The following PCMT1 variants were observed in gnomAD, a reference collection of about 807,000 sequenced individuals.
PCMT1 encodes the protein protein-L-isoaspartate (D-aspartate) O-methyltransferase.
Under a neutral mutation model 29.2 loss-of-function variants are expected in PCMT1, and 9 were observed. The observed-to-expected ratio is 0.31, with a 90% CI of 0.19 to 0.54. PCMT1 has a LOEUF of 0.54. Ranked by LOEUF, PCMT1 falls within the 20% of genes least tolerant of loss-of-function variation. PCMT1 has a pLI of 0.95. For missense variants in PCMT1, 184 were observed against 282.2 expected (o/e 0.65, Z 2.49); for synonymous variants, 98 against 97.5 (o/e 1.00, Z -0.03).
intron 3 of PCMT1, among the ~76,000 whole-genome samples, chr6:149,774,928 C>T (rs11968366): frequency 0.053 from 8,075 of 151,302 alleles, 580 homozygotes; most frequent in African/African-American, 0.16. Flanking sequence ...AGGATGGTCT[C>T]GATCTCGTGA....
chr6:149,800,961 G>C (rs1289812789), intron 6 of PCMT1, among the ~76,000 whole-genome samples: 2 of 152,148 alleles, frequency 1.3e-5, no homozygotes, highest in South Asian at 2.1e-4. Flanking sequence ...GTTGTACCAG[G>C]TACTGTGTTA....
rs7818 is a variant in PCMT1 at position 149,810,956 on chromosome 6, A to G, written c.*378A>G. The G allele has an allele frequency of 0.5, 118,575 of 239,334 alleles. 33,770 individuals carry two copies. Among genetic ancestry groups the G allele is most frequent in the African/African-American group, 0.81 (35,601 of 44,192 alleles). 14.8% of individuals were successfully genotyped at this position (239,334 alleles called of 1,614,324 possible). A position where few individuals can be genotyped will look rare whatever the true frequency, so the allele number is the denominator to read the frequency against. ...AGGAGTGGTTTTTCTTTTCTTGGAC[A>G]CTTAATTCTGTTCTGATATTAATTT... On this transcript the variant is annotated 3_prime_UTR_variant, in exon 8 of 8. Transcript: ENST00000464889.
chr6:149,793,627 G>A lies in PCMT1; in HGVS notation c.376G>A (p.Asp126Asn), dbSNP rs1788475203. The change falls in exon 5 of 8, where the codon GAC becomes AAC. Residue 126 changes from aspartate to asparagine, a missense_variant. Coordinates refer to ENST00000464889, the MANE Select transcript of PCMT1 (RefSeq NM_001360452.2). ...TGACTCAGTAAATAATGTCAGGAAG[G>A]ACGATCCAACACTTCTGTCTTCAGG... is the stretch of plus-strand genomic sequence containing the variant. The part of the protein sequence containing the change: ...VDDSVNNVRK[D>N]DPTLLSSGRV... 1 of 1,567,618 alleles carries A rather than the reference G, an allele frequency of 6.4e-7. No homozygotes were observed. The highest frequency in any genetic ancestry group is 8.6e-7 in the Non-Finnish European group (1 of 1,165,726).
intron 1 of PCMT1, among the ~76,000 whole-genome samples, chr6:149,766,599 C>G (rs1328300702): frequency 6.6e-6 from 1 of 152,208 alleles, no homozygotes; most frequent in African/African-American, 2.4e-5. Flanking sequence ...GCCACACTTT[C>G]ATTTATGTAG....
intron 3 of PCMT1, among the ~76,000 whole-genome samples, chr6:149,775,960 G>C (rs1038043245): frequency 2.0e-5 from 3 of 152,078 alleles, no homozygotes; most frequent in African/African-American, 7.2e-5. Context: ...GGGAGTTTGA[G>C]ACCAGCCTCA....
At position 149,774,538 on chromosome 6, in the gene PCMT1, C is replaced by CT. The variant is rs34761342; in HGVS notation, c.192+1386dup. Among the ~76,000 whole-genome samples, 491 of 116,950 alleles carry CT rather than the reference C, an allele frequency of 4.2e-3. 2 individuals carry two copies. Among genetic ancestry groups the CT allele is most frequent in the African/African-American group, 6.7e-3 (188 of 28,034 alleles). 76.7% of individuals were successfully genotyped at this position (116,950 alleles called of 152,430 possible). A position where few individuals can be genotyped will look rare whatever the true frequency, so the allele number is the denominator to read the frequency against. Reference sequence around the variant, plus strand: ...ATAGGTGTGAGCCACTGGGCCCAGTCTTTTTTTTTTTTTTTTTGAGACGGA... The same window carrying CT: ...ATAGGTGTGAGCCACTGGGCCCAGTCTTTTTTTTTTTTTTTTTTGAGACGGA... On this transcript the variant is annotated intron_variant, in intron 3 of 7. Transcript: ENST00000464889.
At chr6:149,805,332 G>A (rs993784534) in intron 7 of PCMT1, among the ~76,000 whole-genome samples, 6 of 152,132 alleles carry the variant, frequency 3.9e-5, no homozygotes, top group Admixed American at 6.5e-5. Context: ...AGTGGCTCAC[G>A]CCTGTAATCC....
intron 3 of PCMT1, among the ~76,000 whole-genome samples, chr6:149,785,355 C>CTTTTTTTTTTTTT (rs11310169): frequency 1.4e-5 from 1 of 73,236 alleles, no homozygotes; most frequent in Non-Finnish European, 2.4e-5. Flanking sequence ...TGGCTGTTTT[C>CTTTTTTTTTTTTT]TTTTTTTTTT....
At chr6:149,768,574 C>CTA (rs1472183642) in intron 1 of PCMT1, among the ~76,000 whole-genome samples, 2 of 150,720 alleles carry the variant, frequency 1.3e-5, no homozygotes, top group East Asian at 3.9e-4. Flanking sequence ...ACCTTAGCCT[C>CTA]TGAGTAGCTG....
intron 7 of PCMT1, among the ~76,000 whole-genome samples, chr6:149,802,715 A>G (rs556889923): frequency 1.3e-4 from 20 of 151,408 alleles, no homozygotes; most frequent in African/African-American, 4.4e-4. Flanking sequence ...TTATGTTTTT[A>G]AATTATTTTT....
Position 149,798,493 on chromosome 6 carries a change from T to C in PCMT1, c.504+1993T>C, listed in dbSNP as rs550330423. On this transcript the variant is annotated intron_variant, in intron 6 of 7. Coordinates refer to ENST00000464889, the MANE Select transcript of PCMT1 (RefSeq NM_001360452.2). ...GTAATACTTGCAAGTATTATAGGGG[T>C]ATGTATACATCTGATTTAAGATAGA... Among the ~76,000 whole-genome samples, 4 of 152,292 alleles carry C rather than the reference T, an allele frequency of 2.6e-5. No homozygotes were observed. The East Asian group carries it at 7.7e-4, about 29-fold the overall frequency.
intron 1 of PCMT1, among the ~76,000 whole-genome samples, chr6:149,767,954 C>T (rs1159084451): frequency 1.3e-5 from 2 of 151,624 alleles, no homozygotes; most frequent in African/African-American, 2.4e-5. Flanking sequence ...CCACCACACC[C>T]GGCTAATGTT....
intron 5 of PCMT1, among the ~76,000 whole-genome samples, chr6:149,793,990 C>T (rs147876562): frequency 1.8e-3 from 277 of 152,128 alleles, no homozygotes; most frequent in African/African-American, 6.6e-3. Flanking sequence ...GCTTCTAGCC[C>T]TTTGTCTATA....
At chr6:149,777,072 G>A (rs1395449280) in intron 3 of PCMT1, among the ~76,000 whole-genome samples, 1 of 152,124 alleles carries the variant, frequency 6.6e-6, no homozygotes, top group Non-Finnish European at 1.5e-5. Context: ...CAGTACAGAT[G>A]CTCCTTGACT....
At chr6:149,800,311 C>CA (rs892815971) in intron 6 of PCMT1, among the ~76,000 whole-genome samples, 3 of 151,554 alleles carry the variant, frequency 2.0e-5, no homozygotes, top group Non-Finnish European at 2.9e-5. Context: ...ATTAAAAATA[C>CA]AAAAAAAATT....
intron 5 of PCMT1, chr6:149,794,970 C>G: frequency 2.5e-6 from 1 of 401,238 alleles, no homozygotes; most frequent in Admixed American, 2.7e-5. Flanking sequence ...CCAAGGCGGG[C>G]GGATCACTTG....
chr6:149,774,103 C>T (rs1272910068), intron 3 of PCMT1, among the ~76,000 whole-genome samples: 1 of 152,144 alleles, frequency 6.6e-6, no homozygotes, highest in Admixed American at 6.5e-5. Context: ...AGTCCTCCCA[C>T]CTCAGCCTCC....
At chr6:149,810,515 G>T in intron 7 of PCMT1, 101 bp from the exon 8 acceptor site, 1 of 800,110 alleles carries the variant, frequency 1.2e-6, no homozygotes, top group South Asian at 1.6e-5. Context: ...TTGGTGATCA[G>T]CGCATTTTTA....
intron 2 of PCMT1, 35 bp downstream of exon 2, chr6:149,771,301 C>T: frequency 1.6e-6 from 2 of 1,254,862 alleles, no homozygotes; most frequent in Non-Finnish European, 2.3e-6. Context: ...TCATAGTTTT[C>T]ATCATTTACT....
Sources: gnomAD v4.1 joint callset for allele counts (sites outside exome capture counted in the v4.1 genomes callset) on GRCh38, gnomAD v4.1.1 for gene constraint, MANE v1.5 for transcripts, NCBI Gene and HGNC (gene_info 2026-07-23, HGNC 2026-07-21) for gene names.